Variants in PPP3CA observed in about 807,000 individuals in gnomAD.
The protein encoded by PPP3CA is CAM-PRP catalytic subunit.
PPP3CA carries 14 observed loss-of-function variants against 66.5 expected under a neutral mutation model. The observed-to-expected ratio is 0.21, with a 90% CI of 0.14 to 0.33. PPP3CA has a LOEUF of 0.33. Ranked by LOEUF, PPP3CA falls within the 10% of genes least tolerant of loss-of-function variation. The pLI is 1.00. For synonymous variants in PPP3CA, 232 were observed against 226.2 expected (o/e 1.03, Z -0.23); for missense variants, 317 against 639.5 (o/e 0.50, Z 5.44).
At chr4:101,278,464 G>A (rs1263020434) in intron 1 of PPP3CA, among the ~76,000 whole-genome samples, 4 of 152,080 alleles carry the variant, frequency 2.6e-5, no homozygotes, top group East Asian at 1.9e-4. Context: ...AGAAATAGCT[G>A]CTGCTCAGAA....
chr4:101,207,046 GA>G lies in PPP3CA; in HGVS notation c.59-10931del, dbSNP rs1306458017. Among the ~76,000 whole-genome samples, 9 of 151,102 alleles carry G rather than the reference GA, an allele frequency of 6.0e-5. No homozygotes were observed. The South Asian group carries it at 1.5e-3, about 25-fold the overall frequency. ...CAGATAGAAAACTGAAAAGGGACAA[GA>G]AAAAAAAATTGCAAACATTTTGAAA... On this transcript the variant is annotated intron_variant, in intron 1 of 13. Coordinates refer to ENST00000394854, the MANE Select transcript of PPP3CA (RefSeq NM_000944.5).
rs3730250 is a variant in PPP3CA, at chr4:101,196,031, C to A, written c.144G>T (p.Ala48=). 1.2e-6 allele frequency: 2 copies of A among 1,613,956 alleles called. No homozygotes were observed. The highest frequency in any genetic ancestry group is 8.5e-7 in the Non-Finnish European group (1 of 1,179,950). The change falls in exon 2 of 14, where the codon GCG becomes GCT. Residue 48 remains alanine (A), a synonymous_variant. Transcript: ENST00000394854. ...DGKPRVDILK[A]HLMKEGRLEE... ...CCAGCCTTCCCTCCTTCATAAGATGCGCCTTTAAGATATCCACACGAGGTT... is the reference window on the plus strand; with the variant it reads ...CCAGCCTTCCCTCCTTCATAAGATGAGCCTTTAAGATATCCACACGAGGTT...
At chr4:101,270,518 T>A (rs920212272) in intron 1 of PPP3CA, among the ~76,000 whole-genome samples, 1 of 152,192 alleles carries the variant, frequency 6.6e-6, no homozygotes, top group East Asian at 1.9e-4. Context: ...CACAAACAAT[T>A]TCCTACCAGT....
chr4:101,102,918 T>C (rs12507602), intron 3 of PPP3CA, among the ~76,000 whole-genome samples: 10 of 152,214 alleles, frequency 6.6e-5, no homozygotes, highest in Non-Finnish European at 8.8e-5. Flanking sequence ...TGGACCGCTA[T>C]TGTCTTTCTA....
intron 2 of PPP3CA, among the ~76,000 whole-genome samples, chr4:101,132,706 T>A (rs1299026018): frequency 1.3e-5 from 2 of 152,080 alleles, no homozygotes; most frequent in East Asian, 3.9e-4. Context: ...GTGAAAATAT[T>A]CCAAACAAGA....
chr4:101,328,928 C>T (rs1454433244), intron 1 of PPP3CA, among the ~76,000 whole-genome samples: 1 of 152,046 alleles, frequency 6.6e-6, no homozygotes, highest in Admixed American at 6.6e-5. Flanking sequence ...CTCTCTGTCT[C>T]TCCTTGGGCC....
At chr4:101,106,453 G>GAAAGAAAGAAAGAAAGAAGGGAAGAGAAA (rs775018059) in intron 3 of PPP3CA, among the ~76,000 whole-genome samples, 3 of 35,510 alleles carry the variant, frequency 8.4e-5, no homozygotes, top group South Asian at 1.1e-3. Flanking sequence ...AAGAAAGAAA[G>GAAAGAAAGAAAGAAAGAAGGGAAGAGAAA]AGAAAAGAAA....
rs1003036740 is a variant in PPP3CA at position 101,277,365 on chromosome 4, G to A, written c.58+69374C>T. On this transcript the variant is annotated intron_variant, in intron 1 of 13. Transcript: ENST00000394854. ...AAAGCTGCTGTGGACATTTGTGTAC[G>A]GGTTTTTGCGTGGACCTACATTTCC... 3.9e-5 allele frequency among the ~76,000 whole-genome samples: 6 copies of A among 152,064 alleles called. 1 individual carries two copies. In the South Asian group the frequency reaches 8.3e-4, roughly 21 times the overall value.
At chr4:101,186,853 C>A (rs1056791528) in intron 2 of PPP3CA, among the ~76,000 whole-genome samples, 1 of 152,088 alleles carries the variant, frequency 6.6e-6, no homozygotes, top group Non-Finnish European at 1.5e-5. Context: ...AAACCATACA[C>A]TAGAATCAAC....
chr4:101,320,782 G>A (rs1392213446), intron 1 of PPP3CA, among the ~76,000 whole-genome samples: 2 of 152,044 alleles, frequency 1.3e-5, no homozygotes, highest in Non-Finnish European at 2.9e-5. Context: ...TCCAGGAGTA[G>A]GCATATGATC....
At chr4:101,198,964 C>A (rs552951458) in intron 1 of PPP3CA, among the ~76,000 whole-genome samples, 1 of 152,108 alleles carries the variant, frequency 6.6e-6, no homozygotes, top group Non-Finnish European at 1.5e-5. Context: ...CCTGATGAGA[C>A]GGGGCCCTTT....
In PPP3CA at chr4:101,226,093, TTATAGA is replaced by T. The variant is rs3840156; in HGVS notation, c.59-29983_59-29978del. The stretch of plus-strand genomic sequence containing the variant: ...TTCTTCTTTCTACATGACAAAAACC[TTATAGA>T]TATAGGCCCTAGTAGGAAGGTCTTT... On this transcript the variant is annotated intron_variant, in intron 1 of 13. Coordinates refer to ENST00000394854, the MANE Select transcript of PPP3CA (RefSeq NM_000944.5). Among the ~76,000 whole-genome samples, 6 of 151,892 alleles carry T rather than the reference TTATAGA, an allele frequency of 4.0e-5. No individual in the cohort carries two copies. The East Asian group carries it at 1.2e-3, about 30-fold the overall frequency.
intron 2 of PPP3CA, chr4:101,170,988 C>A: frequency 3.6e-6 from 1 of 279,314 alleles, no homozygotes; most frequent in East Asian, 9.3e-5. Flanking sequence ...AAATTCAATC[C>A]CATTTAAAAA....
At chr4:101,126,396 A>G (rs1439079885) in intron 2 of PPP3CA, among the ~76,000 whole-genome samples, 1 of 152,236 alleles carries the variant, frequency 6.6e-6, no homozygotes, top group African/African-American at 2.4e-5. Flanking sequence ...AGAAAATTCT[A>G]AGTTAAGTAC....
At chr4:101,125,971 T>C (rs1025042599) in intron 2 of PPP3CA, among the ~76,000 whole-genome samples, 8 of 152,302 alleles carry the variant, frequency 5.3e-5, no homozygotes, top group Non-Finnish European at 8.8e-5. Context: ...TCTTTTTTCA[T>C]AGGAAATAAA....
chr4:101,205,294 T>C (rs1163156709), intron 1 of PPP3CA, among the ~76,000 whole-genome samples: 1 of 152,144 alleles, frequency 6.6e-6, no homozygotes, highest in Non-Finnish European at 1.5e-5. Flanking sequence ...ATTCTGAAAC[T>C]TTATTTAATC....
chr4:101,033,393 TCAAA>T (rs1727099350), intron 11 of PPP3CA, among the ~76,000 whole-genome samples: 1 of 151,784 alleles, frequency 6.6e-6, no homozygotes, highest in South Asian at 2.1e-4. Context: ...CTCACGTGAC[TCAAA>T]CAGAATTCCT....
intron 10 of PPP3CA, among the ~76,000 whole-genome samples, chr4:101,044,076 A>G (rs1727655507): frequency 6.6e-6 from 1 of 152,216 alleles, no homozygotes; most frequent in African/African-American, 2.4e-5. Context: ...CTAACCACAC[A>G]TATATAATCT....
intron 8 of PPP3CA, among the ~76,000 whole-genome samples, chr4:101,069,717 TCC>T (rs1728831698): frequency 1.3e-5 from 2 of 150,586 alleles, no homozygotes; most frequent in Non-Finnish European, 2.9e-5. Context: ...CTCTTCCTTC[TCC>T]TCAGCCTGCT....
Sources: gnomAD v4.1 joint callset for allele counts (sites outside exome capture counted in the v4.1 genomes callset) on GRCh38, gnomAD v4.1.1 for gene constraint, MANE v1.5 for transcripts, NCBI Gene and HGNC (gene_info 2026-07-23, HGNC 2026-07-21) for gene names.